Variants in CSMD1 observed in about 807,000 individuals in gnomAD.
CSMD1 encodes the protein CUB and sushi domain-containing protein 1.
Under a neutral mutation model 417.5 loss-of-function variants are expected in CSMD1, and 213 were observed. The ratio of observed to expected loss-of-function variants is 0.51; its 90% CI spans 0.46 to 0.57. The LOEUF is 0.57. Ranked by LOEUF, CSMD1 falls within the 20% of genes least tolerant of loss-of-function variation. The probability of loss-of-function intolerance (pLI) is 0.00; values close to 1 mark genes in which losing one functional copy is unlikely to be tolerated. For synonymous variants in CSMD1, 2,862 were observed against 1,736.8 expected, an observed-to-expected ratio of 1.65 and a Z score of -16.11; for missense variants, 6,923 against 4,529.7, an observed-to-expected ratio of 1.53 and a Z score of -15.17.
At chr8:4,965,811 T>C (rs956198749) in intron 1 of CSMD1, among the ~76,000 whole-genome samples, 4 of 152,120 alleles carry the variant, frequency 2.6e-5, no homozygotes, top group African/African-American at 4.8e-5. Context: ...TCCAGAGACA[T>C]CTGGAACAAA....
At chr8:3,405,392 A>C (rs1459072133) in intron 15 of CSMD1, among the ~76,000 whole-genome samples, 2 of 152,208 alleles carry the variant, frequency 1.3e-5, no homozygotes, top group African/African-American at 4.8e-5. Flanking sequence ...TTAGATAAGT[A>C]ACCAGAACAG....
intron 5 of CSMD1, among the ~76,000 whole-genome samples, chr8:3,829,213 T>C (rs1169248838): frequency 6.6e-6 from 1 of 152,142 alleles, no homozygotes; most frequent in African/African-American, 2.4e-5. Context: ...CAAAGTCCAT[T>C]GTATCCTTCT....
intron 1 of CSMD1, among the ~76,000 whole-genome samples, chr8:4,705,890 T>G (rs1162706537): frequency 6.6e-6 from 1 of 152,162 alleles, no homozygotes; most frequent in Non-Finnish European, 1.5e-5. Flanking sequence ...ATTTGACTAT[T>G]GGAAAAATAG....
chr8:3,659,371 G>A (rs1315267677), intron 7 of CSMD1, among the ~76,000 whole-genome samples: 1 of 152,144 alleles, frequency 6.6e-6, no homozygotes, highest in African/African-American at 2.4e-5. Context: ...ACTACCCACT[G>A]ATGAAATTTT....
intron 5 of CSMD1, among the ~76,000 whole-genome samples, chr8:3,904,886 T>G (rs1377583498): frequency 1.3e-5 from 2 of 152,064 alleles, no homozygotes; most frequent in Non-Finnish European, 2.9e-5. Context: ...ATCCACCTGC[T>G]TCCGCCTCCC....
chr8:4,207,852 A>T (rs975628037), intron 3 of CSMD1, among the ~76,000 whole-genome samples: 11 of 152,154 alleles, frequency 7.2e-5, no homozygotes, highest in African/African-American at 2.2e-4. Context: ...GATGTCAGTG[A>T]TAATTGGTTC....
chr8:2,966,792 C>T (rs758448101), intron 57 of CSMD1, 46 bp from the exon 58 acceptor site: 61 of 1,585,648 alleles, frequency 3.8e-5, no homozygotes, highest in Non-Finnish European at 4.8e-5. Context: ...AGTGACCCAG[C>T]ATGAAAATGG....
Position 3,500,587 on chromosome 8 carries a change from G to C in CSMD1, c.1345-6861C>G, listed in dbSNP as rs536543654. Among the ~76,000 whole-genome samples, 6 of 152,270 alleles carry C rather than the reference G, an allele frequency of 3.9e-5. No homozygotes were observed. The East Asian group carries it at 1.2e-3, about 29-fold the overall frequency. ...TGAGGAAGAAATGACAAAGAAAAAA[G>C]AATCTGTGGTAGGGAGGACACCAAG... is the stretch of plus-strand genomic sequence containing the variant. On this transcript the variant is annotated intron_variant, in intron 10 of 69. Coordinates refer to ENST00000635120, the MANE Select transcript of CSMD1 (RefSeq NM_033225.6).
At chr8:3,835,511 T>C in intron 5 of CSMD1, among the ~76,000 whole-genome samples, 1 of 151,910 alleles carries the variant, frequency 6.6e-6, no homozygotes, top group Non-Finnish European at 1.5e-5. Flanking sequence ...AGCTGGGAAT[T>C]GAACAATGAG....
chr8:4,102,166 G>A (rs1168896407), intron 3 of CSMD1, among the ~76,000 whole-genome samples: 1 of 152,104 alleles, frequency 6.6e-6, no homozygotes, highest in Admixed American at 6.6e-5. Flanking sequence ...TGACTTACTG[G>A]TTTTGTTTTT....
chr8:4,649,326 A>T (rs1057470030), intron 1 of CSMD1, among the ~76,000 whole-genome samples: 1 of 152,190 alleles, frequency 6.6e-6, no homozygotes, highest in Non-Finnish European at 1.5e-5. Flanking sequence ...AATGATTGTG[A>T]ACATTGACAG....
intron 5 of CSMD1, among the ~76,000 whole-genome samples, chr8:3,762,171 C>T (rs1441953270): frequency 1.3e-5 from 2 of 152,162 alleles, no homozygotes; most frequent in African/African-American, 4.8e-5. Flanking sequence ...TTTCTACACC[C>T]AGAAACAGCT....
intron 11 of CSMD1, among the ~76,000 whole-genome samples, chr8:3,473,627 A>T (rs1295140315): frequency 6.6e-6 from 1 of 152,214 alleles, no homozygotes; most frequent in Non-Finnish European, 1.5e-5. Flanking sequence ...ATACCTGAAA[A>T]ATAAAATAGA....
intron 3 of CSMD1, among the ~76,000 whole-genome samples, chr8:4,060,057 A>T (rs183741807): frequency 1.3e-4 from 20 of 152,364 alleles, no homozygotes; most frequent in African/African-American, 4.3e-4. Context: ...AAATACTGGC[A>T]AACCGAATCC....
chr8:4,357,622 T>G (rs1801504429), intron 3 of CSMD1, among the ~76,000 whole-genome samples: 1 of 152,140 alleles, frequency 6.6e-6, no homozygotes, highest in African/African-American at 2.4e-5. Flanking sequence ...ATAGCATGCT[T>G]AAATAAATAC....
At chr8:3,448,809 T>C (rs1815500642) in intron 12 of CSMD1, among the ~76,000 whole-genome samples, 1 of 152,212 alleles carries the variant, frequency 6.6e-6, no homozygotes, top group African/African-American at 2.4e-5. Context: ...CTCAGTTATA[T>C]GTCTAAATGA....
chr8:4,032,151 G>C (rs920759768), intron 3 of CSMD1, 52 bp from the exon 4 acceptor site: 21 of 1,404,920 alleles, frequency 1.5e-5, no homozygotes, highest in African/African-American at 4.2e-5. Flanking sequence ...TTTCCATGGA[G>C]AGCCACTTAT....
chr8:4,220,320 G>A (rs887472499), intron 3 of CSMD1, among the ~76,000 whole-genome samples: 3 of 152,176 alleles, frequency 2.0e-5, no homozygotes, highest in Non-Finnish European at 2.9e-5. Context: ...AATTTGAAGC[G>A]TGAGAAGGAG....
intron 22 of CSMD1, among the ~76,000 whole-genome samples, chr8:3,345,226 A>T (rs1807911339): frequency 6.6e-6 from 1 of 152,178 alleles, no homozygotes; most frequent in Non-Finnish European, 1.5e-5. Flanking sequence ...TGAGGACTTG[A>T]CCAAGCGCAC....
Sources: allele counts gnomAD v4.1 joint callset (sites outside exome capture counted in the v4.1 genomes callset), GRCh38; gene constraint gnomAD v4.1.1; transcripts MANE v1.5; gene names NCBI Gene and HGNC (gene_info 2026-07-23, HGNC 2026-07-21).